HTR1E: variants seen among roughly 807,000 people sequenced by gnomAD.
HTR1E encodes 5-HT-1E.
HTR1E carries 3 observed loss-of-function variants against 3.4 expected under a neutral mutation model. That is an observed-to-expected ratio of 0.89 (90% CI 0.41 to 2.31). The LOEUF is 2.31. Among genes scored for constraint, HTR1E ranks in the 30% most tolerant of loss-of-function variants. HTR1E has a pLI of 0.05. For missense variants in HTR1E, 392 were observed against 467.0 expected (o/e 0.84, Z 1.48); for synonymous variants, 170 against 182.8 (o/e 0.93, Z 0.56).
At chr6:86,973,030 TC>T (rs1767581779) in intron 1 of HTR1E, among the ~76,000 whole-genome samples, 1 of 152,198 alleles carries the variant, frequency 6.6e-6, no homozygotes, top group Non-Finnish European at 1.5e-5. Flanking sequence ...GTTAGCTAGT[TC>T]TTTATTACAG....
intron 1 of HTR1E, among the ~76,000 whole-genome samples, chr6:86,972,700 T>C (rs1427422104): frequency 6.6e-6 from 1 of 152,174 alleles, no homozygotes; most frequent in East Asian, 1.9e-4. Flanking sequence ...AATATAATTG[T>C]TTTTAAGTCT....
intron 1 of HTR1E, among the ~76,000 whole-genome samples, chr6:86,942,237 C>T (rs150422151): frequency 6.6e-6 from 1 of 152,216 alleles, no homozygotes; most frequent in Non-Finnish European, 1.5e-5. Context: ...ATTCCAAACT[C>T]ATCCCTCTGA....
At chr6:86,982,502 G>A (rs954897038) in intron 1 of HTR1E, among the ~76,000 whole-genome samples, 8 of 152,326 alleles carry the variant, frequency 5.3e-5, no homozygotes, top group African/African-American at 1.7e-4. Flanking sequence ...GGAGGAGTGA[G>A]AATCCAGGAA....
chr6:86,978,670 G>C (rs989685016), intron 1 of HTR1E, among the ~76,000 whole-genome samples: 11 of 152,132 alleles, frequency 7.2e-5, no homozygotes, highest in African/African-American at 2.4e-4. Context: ...ATCAAATCAA[G>C]TCCAACCTCC....
At chr6:87,009,003 ATTTTT>A (rs1256362514) in intron 1 of HTR1E, among the ~76,000 whole-genome samples, 1 of 151,204 alleles carries the variant, frequency 6.6e-6, no homozygotes, top group Non-Finnish European at 1.5e-5. Context: ...GCTTGTTTTT[ATTTTT>A]ATGTGTCTTT....
At chr6:86,979,775 T>G (rs1198105885) in intron 1 of HTR1E, among the ~76,000 whole-genome samples, 1 of 152,002 alleles carries the variant, frequency 6.6e-6, no homozygotes, top group East Asian at 1.9e-4. Flanking sequence ...AAAGATGGGA[T>G]TAAGGGAAGC....
chr6:86,948,067 T>A (rs1347353422), intron 1 of HTR1E, among the ~76,000 whole-genome samples: 2 of 152,156 alleles, frequency 1.3e-5, no homozygotes, highest in African/African-American at 4.8e-5. Flanking sequence ...CAGTGTGTGA[T>A]GTTCCCCTCC....
chr6:86,973,298 CTGTGTGTGTG>C lies in HTR1E; in HGVS notation c.-186+35499_-186+35508del, dbSNP rs3043129. 6.2e-3 allele frequency among the ~76,000 whole-genome samples: 922 copies of C among 149,578 alleles called. 18 individuals carry two copies. The highest frequency in any genetic ancestry group is 0.017 in the African/African-American group (683 of 40,644). On this transcript the variant is annotated intron_variant, in intron 1 of 1. Transcript: ENST00000305344. Reference sequence around the variant, plus strand: ...TAATGAGCCAGAACAAAGGCAGTGGCTGTGTGTGTGTGTGTGTGTGTGTGTGTGTGTGTCT... The same window carrying C: ...TAATGAGCCAGAACAAAGGCAGTGGCTGTGTGTGTGTGTGTGTGTGTGTCT...
intron 1 of HTR1E, among the ~76,000 whole-genome samples, chr6:86,949,727 ATTTAAT>A (rs1767200354): frequency 6.6e-6 from 1 of 151,606 alleles, no homozygotes; most frequent in Non-Finnish European, 1.5e-5. Context: ...AATTACATTT[ATTTAAT>A]TTTAATTAAA....
chr6:86,949,697 A>AT (rs1767199848), intron 1 of HTR1E, among the ~76,000 whole-genome samples: 1 of 152,080 alleles, frequency 6.6e-6, no homozygotes, highest in Non-Finnish European at 1.5e-5. Context: ...AAAAATTATG[A>AT]TTTTTATTAT....
chr6:86,964,772 T>C (rs1485249595), intron 1 of HTR1E, among the ~76,000 whole-genome samples: 9 of 152,352 alleles, frequency 5.9e-5, no homozygotes, highest in Non-Finnish European at 1.2e-4. Context: ...CTAATGTTTA[T>C]TAATTCTTAA....
intron 1 of HTR1E, among the ~76,000 whole-genome samples, chr6:86,956,814 A>G (rs1767332529): frequency 6.6e-6 from 1 of 152,220 alleles, no homozygotes; most frequent in African/African-American, 2.4e-5. Context: ...CACATTATTT[A>G]TGGAGTTTTT....
intron 1 of HTR1E, among the ~76,000 whole-genome samples, chr6:86,986,528 G>C (rs547796920): frequency 6.6e-6 from 1 of 152,270 alleles, no homozygotes; most frequent in Non-Finnish European, 1.5e-5. Flanking sequence ...CTAGTTGCTA[G>C]TGAGTGAGCA....
intron 1 of HTR1E, among the ~76,000 whole-genome samples, chr6:86,948,309 TGTA>T (rs1318600702): frequency 6.6e-6 from 1 of 152,238 alleles, no homozygotes; most frequent in Non-Finnish European, 1.5e-5. Flanking sequence ...ATAATATTGT[TGTA>T]TGGATATACT....
Position 87,016,583 on chromosome 6 carries a change from T to C in HTR1E, c.*151T>C, listed in dbSNP as rs1457667774. Reference sequence around the variant, plus strand: ...TTCCTTGTTTGTTTGTTTGTTTTGTTCTGTTTTGTTTGAGGATTGTTATTT... The same window carrying C: ...TTCCTTGTTTGTTTGTTTGTTTTGTCCTGTTTTGTTTGAGGATTGTTATTT... On this transcript the variant is annotated 3_prime_UTR_variant, in exon 2 of 2. Transcript: ENST00000305344. The C allele has an allele frequency of 3.1e-6, 2 of 652,504 alleles. No homozygotes were observed. The highest frequency in any genetic ancestry group is 5.0e-6 in the Non-Finnish European group (2 of 401,968). 40.4% of individuals were successfully genotyped at this position (652,504 alleles called of 1,614,324 possible).
At chr6:87,003,904 C>T (rs1420624758) in intron 1 of HTR1E, among the ~76,000 whole-genome samples, 1 of 152,000 alleles carries the variant, frequency 6.6e-6, no homozygotes, top group East Asian at 1.9e-4. Flanking sequence ...ATCCAAATAA[C>T]ATCAGAGATG....
chr6:86,995,188 C>T (rs1239340633), intron 1 of HTR1E, among the ~76,000 whole-genome samples: 1 of 151,942 alleles, frequency 6.6e-6, no homozygotes, highest in South Asian at 2.1e-4. Flanking sequence ...CCGTGGCTCA[C>T]ACCTATAATC....
At chr6:86,983,700 G>A (rs898259390) in intron 1 of HTR1E, among the ~76,000 whole-genome samples, 6 of 152,078 alleles carry the variant, frequency 3.9e-5, no homozygotes, top group Admixed American at 3.9e-4. Flanking sequence ...TATAAATGTT[G>A]AAGGTGATGG....
intron 1 of HTR1E, among the ~76,000 whole-genome samples, chr6:87,005,614 T>G (rs1412408955): frequency 6.6e-6 from 1 of 152,166 alleles, no homozygotes; most frequent in Non-Finnish European, 1.5e-5. Flanking sequence ...GACTTAAATC[T>G]AAGACCTCAA....
Sources: gnomAD v4.1 joint callset for allele counts (sites outside exome capture counted in the v4.1 genomes callset) on GRCh38, gnomAD v4.1.1 for gene constraint, MANE v1.5 for transcripts, NCBI Gene and HGNC (gene_info 2026-07-23, HGNC 2026-07-21) for gene names.